Variants in KHDRBS2 observed in about 807,000 individuals in gnomAD.
KHDRBS2 encodes KH domain-containing, RNA-binding, signal transduction-associated protein 2.
KHDRBS2 carries 26 observed loss-of-function variants against 44.3 expected under a neutral mutation model. That is an observed-to-expected ratio of 0.59 (90% CI 0.43 to 0.81). KHDRBS2 has a LOEUF of 0.81. Among genes scored for constraint, KHDRBS2 ranks in the 40% least tolerant of loss-of-function variants. The pLI is 0.00. For synonymous variants in KHDRBS2, 194 were observed against 151.1 expected (o/e 1.28, Z -2.08); for missense variants, 476 against 433.1 (o/e 1.10, Z -0.88).
intron 2 of KHDRBS2, among the ~76,000 whole-genome samples, chr6:62,122,465 C>T (rs1004177068): frequency 5.3e-5 from 8 of 152,072 alleles, no homozygotes; most frequent in South Asian, 2.1e-4. Flanking sequence ...CATTCCATTC[C>T]GTCATCAAAT....
chr6:62,202,577 G>T (rs930296677), intron 1 of KHDRBS2, among the ~76,000 whole-genome samples: 8 of 151,980 alleles, frequency 5.3e-5, no homozygotes, highest in Non-Finnish European at 8.8e-5. Flanking sequence ...AAAGTCTCTA[G>T]CCTTGGGTAG....
intron 1 of KHDRBS2, among the ~76,000 whole-genome samples, chr6:62,238,476 AT>A (rs1009939189): frequency 2.0e-5 from 3 of 152,176 alleles, no homozygotes; most frequent in Non-Finnish European, 1.5e-5. Flanking sequence ...TATTTGTAAA[AT>A]AAAACTATAT....
intron 2 of KHDRBS2, among the ~76,000 whole-genome samples, chr6:62,102,401 T>C (rs908705338): frequency 3.3e-5 from 5 of 152,072 alleles, no homozygotes; most frequent in Non-Finnish European, 7.4e-5. Flanking sequence ...GGCAATTCAA[T>C]GGCACCCAAA....
chr6:61,553,593 GT>G, the KHDRBS2 span, among the ~76,000 whole-genome samples: 1 of 152,008 alleles, frequency 6.6e-6, no homozygotes, highest in Non-Finnish European at 1.5e-5. Flanking sequence ...TATTTGTGAT[GT>G]TAGGTTGCTG....
chr6:61,565,393 C>A, the KHDRBS2 span, among the ~76,000 whole-genome samples: 1 of 152,014 alleles, frequency 6.6e-6, no homozygotes, highest in African/African-American at 2.4e-5. Context: ...TACAAAATGA[C>A]AGAAAATATT....
chr6:61,605,779 C>T, the KHDRBS2 span, among the ~76,000 whole-genome samples: 1 of 152,134 alleles, frequency 6.6e-6, no homozygotes, highest in East Asian at 1.9e-4. Flanking sequence ...CAACACTTTA[C>T]CACTATTTCA....
At chr6:61,846,094 G>A (rs1357023315) in intron 6 of KHDRBS2, among the ~76,000 whole-genome samples, 2 of 152,174 alleles carry the variant, frequency 1.3e-5, no homozygotes, top group African/African-American at 4.8e-5. Flanking sequence ...TCCGCCCTGA[G>A]TAAAAGCTCC....
At chr6:62,072,690 T>C (rs573009474) in intron 2 of KHDRBS2, among the ~76,000 whole-genome samples, 16 of 151,996 alleles carry the variant, frequency 1.1e-4, no homozygotes, top group South Asian at 2.1e-4. Context: ...AGGGATGAAG[T>C]CCACTTGATC....
chr6:62,246,128 ATATATAT>A, intron 1 of KHDRBS2, among the ~76,000 whole-genome samples: 1 of 146,700 alleles, frequency 6.8e-6, no homozygotes, highest in East Asian at 2.0e-4. Flanking sequence ...ATATATATAT[ATATATAT>A]AATCAATGTT....
At chr6:61,877,694 A>C (rs1409023821) in intron 6 of KHDRBS2, among the ~76,000 whole-genome samples, 1 of 151,974 alleles carries the variant, frequency 6.6e-6, no homozygotes, top group Non-Finnish European at 1.5e-5. Context: ...CTCTAAAAAA[A>C]TGGTGTAAAA....
intron 4 of KHDRBS2, among the ~76,000 whole-genome samples, chr6:61,929,613 A>G (rs1402350546): frequency 6.6e-6 from 1 of 152,174 alleles, no homozygotes; most frequent in Non-Finnish European, 1.5e-5. Context: ...AACATATCAC[A>G]AAGAGAGATA....
intron 2 of KHDRBS2, among the ~76,000 whole-genome samples, chr6:62,128,535 C>T (rs988008289): frequency 7.5e-6 from 1 of 132,610 alleles, no homozygotes; most frequent in Non-Finnish European, 1.6e-5. Flanking sequence ...CTCTAAATTT[C>T]TTTTAATGAT....
At chr6:61,942,159 A>G (rs1238964602) in intron 4 of KHDRBS2, among the ~76,000 whole-genome samples, 1 of 152,052 alleles carries the variant, frequency 6.6e-6, no homozygotes, top group Non-Finnish European at 1.5e-5. Flanking sequence ...GAGTCTTGGT[A>G]TGTTGCCCAG....
Position 62,286,167 on chromosome 6 carries a change from C to A in KHDRBS2, c.-219G>T. 2 of 548,482 alleles carry A rather than the reference C, an allele frequency of 3.6e-6. No homozygotes were observed. The highest frequency in any genetic ancestry group is 2.3e-5 in the South Asian group (1 of 44,210). The allele number at this position is 548,482 out of a possible 1,614,324, so 34.0% of individuals were successfully genotyped here. A position where few individuals can be genotyped will look rare whatever the true frequency, so the allele number is the denominator to read the frequency against. ...CCTGCCCGTCCCTTCCGTCGTCCCT[C>A]GCTCGCGCAGAGCCCCGGCTCACAC... On this transcript the variant is annotated 5_prime_UTR_variant, in exon 1 of 9. Transcript: ENST00000281156.
At chr6:62,174,447 T>A (rs894862814) in intron 2 of KHDRBS2, among the ~76,000 whole-genome samples, 5 of 151,644 alleles carry the variant, frequency 3.3e-5, no homozygotes, top group Admixed American at 1.3e-4. Flanking sequence ...TAATATGACA[T>A]ATTTCCCCAA....
chr6:61,629,317 T>A, the KHDRBS2 span, among the ~76,000 whole-genome samples: 1 of 152,294 alleles, frequency 6.6e-6, no homozygotes, highest in South Asian at 2.1e-4. Flanking sequence ...AAGAATCATG[T>A]CCCAAACATC....
intron 1 of KHDRBS2, among the ~76,000 whole-genome samples, chr6:62,243,421 C>G (rs988842862): frequency 3.3e-5 from 5 of 152,062 alleles, no homozygotes; most frequent in Middle Eastern, 3.4e-3. Flanking sequence ...TCAGTAACCT[C>G]AACATAGAAA....
chr6:62,060,633 C>CTCTCTCTA (rs758456817), intron 2 of KHDRBS2, among the ~76,000 whole-genome samples: 18 of 144,954 alleles, frequency 1.2e-4, no homozygotes, highest in African/African-American at 4.6e-4. Flanking sequence ...CTCTCTCTCT[C>CTCTCTCTA]TATATATATA....
At chr6:61,632,682 T>G in the KHDRBS2 span, among the ~76,000 whole-genome samples, 1 of 152,126 alleles carries the variant, frequency 6.6e-6, no homozygotes, top group African/African-American at 2.4e-5. Context: ...ATGAAGATGG[T>G]TAATTTTCAT....
Sources: allele counts gnomAD v4.1 joint callset (sites outside exome capture counted in the v4.1 genomes callset), GRCh38; gene constraint gnomAD v4.1.1; transcripts MANE v1.5; gene names NCBI Gene and HGNC (gene_info 2026-07-23, HGNC 2026-07-21).